OR5T1: variants seen among roughly 807,000 people sequenced by gnomAD.
OR5T1 encodes the protein olfactory receptor family 5 subfamily T member 1.
In OR5T1, 14 loss-of-function variants were observed where a neutral mutation model predicts 10.1. The ratio of observed to expected loss-of-function variants is 1.39; its 90% CI spans 0.92 to 2.18. The LOEUF is 2.18. Among genes scored for constraint, OR5T1 ranks in the 30% most tolerant of loss-of-function variants. The probability of loss-of-function intolerance (pLI) is 0.00; values close to 1 mark genes in which losing one functional copy is unlikely to be tolerated. For missense variants in OR5T1, 461 were observed against 383.9 expected, an observed-to-expected ratio of 1.20 and a Z score of -1.68; for synonymous variants, 166 against 141.2, an observed-to-expected ratio of 1.18 and a Z score of -1.24.
chr11:56,275,934 C>A lies in OR5T1; in HGVS notation c.296C>A (p.Ala99Glu). ...VTPKMLVNFL[A>E]KNKSISFLGC... is the part of the protein sequence containing the mutation. Reference sequence around the variant, plus strand: ...CCAAAAATGTTGGTCAATTTCCTGGCAAAAAATAAATCTATTTCATTTCTT... The same window carrying A: ...CCAAAAATGTTGGTCAATTTCCTGGAAAAAAATAAATCTATTTCATTTCTT... Residue 99 changes from alanine (A) to glutamate (E), a missense_variant, in exon 3 of 3, where the codon GCA (alanine) becomes GAA (glutamate). By Grantham distance (107) the Ala-to-Glu change is moderately radical. Coordinates refer to ENST00000641665, the MANE Select transcript of OR5T1 (RefSeq NM_001004745.2). 3 of 1,614,086 alleles carry A rather than the reference C, an allele frequency of 1.9e-6. No homozygotes were observed. Among genetic ancestry groups the A allele is most frequent in the Non-Finnish European group, 2.5e-6 (3 of 1,179,996 alleles).
Position 56,276,628 on chromosome 11 carries a change from T to G in OR5T1, c.*9T>G. The G allele has an allele frequency of 6.3e-7, 1 of 1,579,506 alleles. No individual in the cohort carries two copies. Among genetic ancestry groups the G allele is most frequent in the Non-Finnish European group, 8.6e-7 (1 of 1,158,538 alleles). ...TCATAAATAAGTTATAGTTTTAAAA[T>G]TGAGTAAAGTTGCAAATAATATTGG... On this transcript the variant is annotated 3_prime_UTR_variant, in exon 3 of 3. Transcript: ENST00000641665.
Position 56,275,996 on chromosome 11 carries a change from G to C in OR5T1, c.358G>C (p.Gly120Arg), listed in dbSNP as rs576086810. The change falls in exon 3 of 3, where the codon GGA (glycine) becomes CGA (arginine). Residue 120 changes from glycine to arginine, a missense_variant. By Grantham distance (125) the Gly-to-Arg change is moderately radical (BLOSUM62 -2). Coordinates refer to ENST00000641665, the MANE Select transcript of OR5T1 (RefSeq NM_001004745.2). ...ACAGATGTTTCTTGCTTGTACTTTT[G>C]GAACCACAGAATGCTTTCTCTTGGC... The part of the protein sequence containing the change: ...ATQMFLACTF[G>R]TTECFLLAAM... 4 of 1,614,028 alleles carry C rather than the reference G, an allele frequency of 2.5e-6. No individual in the cohort carries two copies. The Admixed American group carries it at 6.7e-5, about 27-fold the overall frequency.
rs2134819397 is a variant in OR5T1 at position 56,276,121 on chromosome 11, T to C, written c.483T>C (p.Tyr161=). Residue 161 remains tyrosine (Y), a synonymous_variant, in exon 3 of 3, where the codon TAT becomes TAC. Transcript: ENST00000641665. ...RVYVPLITAS[Y]VASILHATIH... ...ATGTGCCACTCATCACTGCTTCCTA[T>C]GTTGCTAGCATTTTACATGCTACTA... is the stretch of plus-strand genomic sequence containing the variant. 1.2e-6 allele frequency: 2 copies of C among 1,614,156 alleles called. No individual in the cohort carries two copies. Among genetic ancestry groups the C allele is most frequent in the Non-Finnish European group, 8.5e-7 (1 of 1,180,012 alleles).
Position 56,275,517 on chromosome 11 carries a change from C to A in OR5T1, c.-122C>A. The A allele has an allele frequency of 1.4e-6, 1 of 699,848 alleles. No individual in the cohort carries two copies. Among genetic ancestry groups the A allele is most frequent in the Non-Finnish European group, 2.4e-6 (1 of 416,316 alleles). 43.4% of individuals were successfully genotyped at this position (699,848 alleles called of 1,614,324 possible). ...ATCCACTTGGACCCAATTTTATCAC[C>A]ACCTGTGCATTTGCTGACAAGGATT... On this transcript the variant is annotated 5_prime_UTR_variant, in exon 3 of 3. Coordinates refer to ENST00000641665, the MANE Select transcript of OR5T1 (RefSeq NM_001004745.2).
At chr11:56,275,190 G>A (rs1402218524) in intron 2 of OR5T1, among the ~76,000 whole-genome samples, 3 of 152,130 alleles carry the variant, frequency 2.0e-5, no homozygotes, top group Admixed American at 6.5e-5. Flanking sequence ...AGGTATACAC[G>A]TGCCACGGTG....
rs533767618 is a variant in OR5T1 at position 56,276,798 on chromosome 11, A to G, written c.*179A>G. ...CATTTTAGAAATATCAATATATTGT[A>G]TCATGTATAAAATATGGCTTGTATT... On this transcript the variant is annotated 3_prime_UTR_variant, in exon 3 of 3. Coordinates refer to ENST00000641665, the MANE Select transcript of OR5T1 (RefSeq NM_001004745.2). The G allele has an allele frequency of 1.7e-4, 101 of 588,234 alleles. No individual in the cohort carries two copies. In the African/African-American group the frequency reaches 1.7e-3, roughly 10 times the overall value. 36.4% of individuals were successfully genotyped at this position (588,234 alleles called of 1,614,324 possible).
chr11:56,275,428 A>C, intron 2 of OR5T1, 58 bp from the exon 3 acceptor site: 1 of 412,908 alleles, frequency 2.4e-6, no homozygotes, highest in Non-Finnish European at 4.2e-6. Context: ...TCCATGTTAA[A>C]AAGATAAATT....
chr11:56,275,559 A>G lies in OR5T1; in HGVS notation c.-80A>G. 8.4e-7 allele frequency: 1 copy of G among 1,193,310 alleles called. No homozygotes were observed. 73.9% of individuals were successfully genotyped at this position (1,193,310 alleles called of 1,614,324 possible). A position where few individuals can be genotyped will look rare whatever the true frequency, so the allele number is the denominator to read the frequency against. ...ACAAGGATTTCATCTTGCTTTTCCA[A>G]GAAACGAACATGAGGATATAATTGG... On this transcript the variant is annotated 5_prime_UTR_variant, in exon 3 of 3. Transcript: ENST00000641665.
Position 56,276,317 on chromosome 11 carries a change from C to G in OR5T1, c.679C>G (p.Leu227Val), listed in dbSNP as rs1286092794. ...SIEIVTILIVLISYGFILLAI... is the reference protein window; with the variant it reads ...SIEIVTILIVVISYGFILLAI... ...TGAGATAGTCACTATCCTGATTGTC[C>G]TGATCTCCTATGGTTTTATTCTGTT... Residue 227 changes from leucine (L) to valine (V), a missense_variant, in exon 3 of 3, where the codon CTG becomes GTG. Physicochemically the swap from Leu to Val is conservative, Grantham distance 32. Coordinates refer to ENST00000641665, the MANE Select transcript of OR5T1 (RefSeq NM_001004745.2). 6.2e-7 allele frequency: 1 copy of G among 1,614,106 alleles called. No homozygotes were observed. Among genetic ancestry groups the G allele is most frequent in the East Asian group, 2.2e-5 (1 of 44,858 alleles).
chr11:56,276,255 T>C lies in OR5T1; in HGVS notation c.617T>C (p.Val206Ala), dbSNP rs750760031. The C allele has an allele frequency of 1.4e-5, 23 of 1,614,056 alleles. No homozygotes were observed. The highest frequency in any genetic ancestry group is 5.3e-5 in the African/African-American group (4 of 74,942). Reference protein sequence around the residue: ...LLAISCSDTHVIQLLFFYFVG... With the variant: ...LLAISCSDTHAIQLLFFYFVG... ...GCTATTTCTTGTTCTGACACTCACGTAATCCAGCTTCTATTCTTCTACTTT... is the reference window on the plus strand; with the variant it reads ...GCTATTTCTTGTTCTGACACTCACGCAATCCAGCTTCTATTCTTCTACTTT... Residue 206 changes from valine to alanine, a missense_variant, in exon 3 of 3, where the codon GTA becomes GCA. Val to Ala is a moderately conservative substitution (Grantham distance 64). Coordinates refer to ENST00000641665, the MANE Select transcript of OR5T1 (RefSeq NM_001004745.2).
chr11:56,275,123 CT>C (rs996173268), intron 2 of OR5T1, among the ~76,000 whole-genome samples: 13 of 152,112 alleles, frequency 8.5e-5, no homozygotes, highest in Non-Finnish European at 7.4e-5. Context: ...ATTAAATAGA[CT>C]TTTTTTACAC....
chr11:56,275,399 A>G, intron 2 of OR5T1, 87 bp from the exon 3 acceptor site: 1 of 355,652 alleles, frequency 2.8e-6, no homozygotes, highest in Non-Finnish European at 4.9e-6. Context: ...TTTGCTGAGA[A>G]TGATGGCTTC....
In OR5T1 at chr11:56,276,527, C is replaced by A. The variant is rs370740655; in HGVS notation, c.889C>A (p.Leu297Met). Residue 297 changes from leucine (L) to methionine (M), a missense_variant, in exon 3 of 3, where the codon CTG becomes ATG. Coordinates refer to ENST00000641665, the MANE Select transcript of OR5T1 (RefSeq NM_001004745.2). The stretch of plus-strand genomic sequence containing the variant: ...ATTTTATACCATTGTGATTCCCATG[C>A]TGAATCCCATCATCTACAGTTTGCG... Reference protein sequence around the residue: ...SIFYTIVIPMLNPIIYSLRNK... With the variant: ...SIFYTIVIPMMNPIIYSLRNK... 13 of 1,612,460 alleles carry A rather than the reference C, an allele frequency of 8.1e-6. No homozygotes were observed. The highest frequency in any genetic ancestry group is 1.0e-5 in the Non-Finnish European group (12 of 1,178,604).
chr11:56,275,059 T>C (rs946445851), intron 2 of OR5T1, among the ~76,000 whole-genome samples: 1 of 152,220 alleles, frequency 6.6e-6, no homozygotes, highest in Non-Finnish European at 1.5e-5. Context: ...AACAATTTAA[T>C]ATTAAGAATA....
At position 56,276,445 on chromosome 11, in the gene OR5T1, C is replaced by T. The variant is rs1853949782; in HGVS notation, c.807C>T (p.Phe269=). ...CAATTTATCATGGGACAATCCTCTT[C>T]ATGTATGTGAGACCAAGTTCCAGCT... is the stretch of plus-strand genomic sequence containing the variant. ...GVTIYHGTIL[F]MYVRPSSSYT... The change falls in exon 3 of 3, where the codon TTC becomes TTT. Residue 269 remains phenylalanine, a synonymous_variant. Coordinates refer to ENST00000641665, the MANE Select transcript of OR5T1 (RefSeq NM_001004745.2). 6.2e-7 allele frequency: 1 copy of T among 1,613,796 alleles called. No individual in the cohort carries two copies. Among genetic ancestry groups the T allele is most frequent in the Non-Finnish European group, 8.5e-7 (1 of 1,179,868 alleles).
intron 2 of OR5T1, among the ~76,000 whole-genome samples, 184 bp from the exon 3 acceptor site, chr11:56,275,302 C>T (rs1853922863): frequency 1.3e-5 from 2 of 152,136 alleles, no homozygotes; most frequent in African/African-American, 4.8e-5. Context: ...GTGTGATGTT[C>T]CCCTTCCTAT....
In OR5T1 at chr11:56,276,789, A is replaced by T; in HGVS notation, c.*170A>T. The T allele has an allele frequency of 6.7e-6, 4 of 600,332 alleles. No individual in the cohort carries two copies. Among genetic ancestry groups the T allele is most frequent in the Admixed American group, 3.1e-5 (1 of 31,776 alleles). 37.2% of individuals were successfully genotyped at this position (600,332 alleles called of 1,614,324 possible). On this transcript the variant is annotated 3_prime_UTR_variant, in exon 3 of 3. Transcript: ENST00000641665. ...CTAATTCACCATTTTAGAAATATCA[A>T]TATATTGTATCATGTATAAAATATG...
chr11:56,275,291 C>T (rs1431494662), intron 2 of OR5T1, among the ~76,000 whole-genome samples, 195 bp from the exon 3 acceptor site: 5 of 152,088 alleles, frequency 3.3e-5, no homozygotes, highest in South Asian at 2.1e-4. Context: ...CCGGCCCTGG[C>T]GTGTGATGTT....
Position 56,274,170 on chromosome 11 carries a change from A to G in OR5T1, c.-274A>G, listed in dbSNP as rs1460708137. On this transcript the variant is annotated splice_region_variant and 5_prime_UTR_variant, in exon 1 of 3. Transcript: ENST00000641665. ...GAATTGAGTGAGCAGTTCATTTCCA[A>G]AGGTAAGAGAAAAGGAATCTGATCA... The G allele has an allele frequency of 6.6e-6, 1 of 152,028 alleles. No individual in the cohort carries two copies. Among genetic ancestry groups the G allele is most frequent in the Non-Finnish European group, 1.5e-5 (1 of 68,018 alleles). 9.4% of individuals were successfully genotyped at this position (152,028 alleles called of 1,614,324 possible). A position where few individuals can be genotyped will look rare whatever the true frequency, so the allele number is the denominator to read the frequency against.
Sources: gnomAD v4.1 joint callset for allele counts (sites outside exome capture counted in the v4.1 genomes callset) on GRCh38, gnomAD v4.1.1 for gene constraint, MANE v1.5 for transcripts, NCBI Gene and HGNC (gene_info 2026-07-23, HGNC 2026-07-21) for gene names.